The following CCDC60 variants were observed in gnomAD, a reference collection of about 807,000 sequenced individuals.
The protein encoded by CCDC60 is coiled-coil domain containing 60, also known as coiled-coil domain-containing protein 60.
Under a neutral mutation model 63.5 loss-of-function variants are expected in CCDC60, and 54 were observed. The observed-to-expected ratio is 0.85, with a 90% CI of 0.68 to 1.07. CCDC60 has a LOEUF of 1.07. Among genes scored for constraint, CCDC60 ranks in the 50% least tolerant of loss-of-function variants. The probability of loss-of-function intolerance (pLI) is 0.00; values close to 1 mark genes in which losing one functional copy is unlikely to be tolerated. For synonymous variants in CCDC60, 206 were observed against 238.8 expected, an observed-to-expected ratio of 0.86 and a Z score of 1.27; for missense variants, 651 against 684.3, an observed-to-expected ratio of 0.95 and a Z score of 0.54.
intron 7 of CCDC60, among the ~76,000 whole-genome samples, chr12:119,507,599 TATA>T (rs1952076053): frequency 3.9e-4 from 9 of 22,910 alleles, no homozygotes; most frequent in South Asian, 1.9e-3. Flanking sequence ...TACATATATA[TATA>T]TATATATATA....
intron 1 of CCDC60, among the ~76,000 whole-genome samples, chr12:119,336,609 C>A (rs1955474512): frequency 6.6e-6 from 1 of 152,200 alleles, no homozygotes; most frequent in Non-Finnish European, 1.5e-5. Context: ...GTTTGCCACG[C>A]ACCAGCTGTG....
intron 1 of CCDC60, among the ~76,000 whole-genome samples, chr12:119,404,786 C>G (rs1593038811): frequency 1.3e-5 from 2 of 152,212 alleles, no homozygotes; most frequent in South Asian, 4.2e-4. Flanking sequence ...GAGGGTCGTG[C>G]CCAGCAGGGC....
chr12:119,345,771 C>T (rs1293094228), intron 1 of CCDC60, among the ~76,000 whole-genome samples: 1 of 152,058 alleles, frequency 6.6e-6, no homozygotes, highest in Non-Finnish European at 1.5e-5. Flanking sequence ...CCAGCTCTCT[C>T]ACTATCTGGC....
At chr12:119,394,164 A>G (rs1956209516) in intron 1 of CCDC60, among the ~76,000 whole-genome samples, 1 of 152,220 alleles carries the variant, frequency 6.6e-6, no homozygotes, top group Non-Finnish European at 1.5e-5. Context: ...CCGCAAAGCA[A>G]GTATTGTTAT....
chr12:119,412,057 C>T (rs1440274021), intron 1 of CCDC60, among the ~76,000 whole-genome samples: 1 of 152,070 alleles, frequency 6.6e-6, no homozygotes, highest in Non-Finnish European at 1.5e-5. Context: ...CTGCTCTTGC[C>T]CCTCACTGAG....
At chr12:119,426,513 T>G (rs1292010084) in intron 1 of CCDC60, among the ~76,000 whole-genome samples, 1 of 151,930 alleles carries the variant, frequency 6.6e-6, no homozygotes, top group African/African-American at 2.4e-5. Context: ...GCACCACACA[T>G]GCTTGGCTAA....
At chr12:119,402,351 T>C (rs1593035029) in intron 1 of CCDC60, 1 of 152,364 alleles carries the variant, frequency 6.6e-6, no homozygotes, top group South Asian at 2.1e-4. Flanking sequence ...GGATCGTGTA[T>C]TCTTGTCCTG....
At chr12:119,460,759 A>G (rs1348979177) in intron 2 of CCDC60, among the ~76,000 whole-genome samples, 2 of 152,224 alleles carry the variant, frequency 1.3e-5, no homozygotes, top group African/African-American at 4.8e-5. Context: ...CCAAGTCCAA[A>G]TTCTGGACAC....
At chr12:119,501,072 G>C (rs1951840444) in intron 6 of CCDC60, among the ~76,000 whole-genome samples, 1 of 152,178 alleles carries the variant, frequency 6.6e-6, no homozygotes, top group Non-Finnish European at 1.5e-5. Context: ...AAAGGTAATA[G>C]AGCACACAAC....
intron 3 of CCDC60, among the ~76,000 whole-genome samples, chr12:119,477,593 T>A (rs1189899263): frequency 6.6e-6 from 1 of 152,196 alleles, no homozygotes; most frequent in Non-Finnish European, 1.5e-5. Flanking sequence ...AATGAATGAA[T>A]CAGGGAACCT....
chr12:119,528,808 A>C lies in CCDC60; in HGVS notation c.1361+62A>C. ...AAGAGAACAGGGTGTTGTTATTACA[A>C]GATCACTATTGATTCCACTGTCCTT... On this transcript the variant is annotated intron_variant, in intron 12 of 13. Coordinates refer to ENST00000327554, the MANE Select transcript of CCDC60 (RefSeq NM_178499.5). The C allele has an allele frequency of 2.0e-6, 3 of 1,531,052 alleles. No homozygotes were observed. In the Admixed American group the frequency reaches 5.5e-5, roughly 28 times the overall value. 94.8% of individuals were successfully genotyped at this position (1,531,052 alleles called of 1,614,324 possible). A position where few individuals can be genotyped will look rare whatever the true frequency, so the allele number is the denominator to read the frequency against.
chr12:119,346,378 TGAA>T (rs1254262360), intron 1 of CCDC60, among the ~76,000 whole-genome samples: 3 of 152,052 alleles, frequency 2.0e-5, no homozygotes, highest in Non-Finnish European at 4.4e-5. Context: ...AACTGAGGCT[TGAA>T]GAAGTTTTGC....
intron 2 of CCDC60, among the ~76,000 whole-genome samples, chr12:119,429,147 G>C (rs772584214): frequency 6.6e-6 from 1 of 152,164 alleles, no homozygotes; most frequent in African/African-American, 2.4e-5. Context: ...GGATGCTGGA[G>C]GAGTTATTTA....
intron 1 of CCDC60, among the ~76,000 whole-genome samples, chr12:119,398,105 T>TGGGGGGAGGAAGGGGGCGGTGG (rs1956312723): frequency 7.0e-5 from 1 of 14,206 alleles, no homozygotes; most frequent in Non-Finnish European, 1.3e-4. Flanking sequence ...GGGGGCGGTG[T>TGGGGGGAGGAAGGGGGCGGTGG]GGGGGGAGGA....
At chr12:119,415,634 G>A (rs1025193545) in intron 1 of CCDC60, among the ~76,000 whole-genome samples, 2 of 152,230 alleles carry the variant, frequency 1.3e-5, no homozygotes, top group Admixed American at 1.3e-4. Flanking sequence ...CAGGTGGCTT[G>A]CAGCAGCGTG....
intron 1 of CCDC60, among the ~76,000 whole-genome samples, chr12:119,336,349 G>T (rs566746181): frequency 6.6e-6 from 1 of 152,290 alleles, no homozygotes; most frequent in South Asian, 2.1e-4. Context: ...GCTATCAATG[G>T]CTGGTTTCTC....
intron 4 of CCDC60, among the ~76,000 whole-genome samples, chr12:119,481,706 G>C (rs1241949734): frequency 6.6e-6 from 1 of 151,524 alleles, no homozygotes; most frequent in African/African-American, 2.4e-5. Context: ...CCATCACCTG[G>C]GCCATATACA....
chr12:119,524,129 G>A (rs1952612132), intron 11 of CCDC60, among the ~76,000 whole-genome samples: 1 of 152,170 alleles, frequency 6.6e-6, no homozygotes, highest in South Asian at 2.1e-4. Context: ...ACTTTTAGAT[G>A]AGTCCTGAAG....
At chr12:119,417,304 A>G (rs1956719312) in intron 1 of CCDC60, among the ~76,000 whole-genome samples, 1 of 152,196 alleles carries the variant, frequency 6.6e-6, no homozygotes, top group African/African-American at 2.4e-5. Flanking sequence ...CCCACAACAA[A>G]TAGCGATTTG....
Sources: gnomAD v4.1 joint callset for allele counts (sites outside exome capture counted in the v4.1 genomes callset) on GRCh38, gnomAD v4.1.1 for gene constraint, MANE v1.5 for transcripts, NCBI Gene and HGNC (gene_info 2026-07-23, HGNC 2026-07-21) for gene names.